FANK1: variants seen among roughly 807,000 people sequenced by gnomAD.
The protein encoded by FANK1 is fibronectin type III and ankyrin repeat domains 1.
Under a neutral mutation model 45.3 loss-of-function variants are expected in FANK1, and 44 were observed. That is an observed-to-expected ratio of 0.97 (90% CI 0.76 to 1.25). FANK1 has a LOEUF of 1.25. Among genes scored for constraint, FANK1 ranks in the 50% most tolerant of loss-of-function variants. The pLI is 0.00. For synonymous variants in FANK1, 149 were observed against 152.5 expected (o/e 0.98, Z 0.17); for missense variants, 391 against 424.4 (o/e 0.92, Z 0.69).
intron 7 of FANK1, 124 bp downstream of exon 7, chr10:126,005,173 A>T: frequency 8.7e-7 from 1 of 1,150,632 alleles, no homozygotes; most frequent in Non-Finnish European, 1.2e-6. Context: ...AAGTTTTCTG[A>T]CTTAGCAAGA....
At chr10:125,948,468 G>C (rs1948967642) in intron 1 of FANK1, among the ~76,000 whole-genome samples, 1 of 152,174 alleles carries the variant, frequency 6.6e-6, no homozygotes, top group South Asian at 2.1e-4. Context: ...ACTACCATCA[G>C]AGAATACTAC....
At chr10:125,950,728 C>T (rs1449739963) in intron 1 of FANK1, among the ~76,000 whole-genome samples, 2 of 151,632 alleles carry the variant, frequency 1.3e-5, no homozygotes, top group Non-Finnish European at 2.9e-5. Flanking sequence ...TTTGACCCAG[C>T]CATCCCATTA....
intron 2 of FANK1, among the ~76,000 whole-genome samples, chr10:125,987,570 G>A (rs866824515): frequency 5.9e-5 from 9 of 152,132 alleles, no homozygotes; most frequent in Middle Eastern, 6.8e-3. Flanking sequence ...CCAAGGCTTT[G>A]AGTAGAAGAA....
rs187922747 is a variant in FANK1, at chr10:125,938,137, T to C, written c.13+41482T>C. Among the ~76,000 whole-genome samples, 3 of 152,332 alleles carry C rather than the reference T, an allele frequency of 2.0e-5. No individual in the cohort carries two copies. In the East Asian group the frequency reaches 5.8e-4, roughly 29 times the overall value. On this transcript the variant is annotated intron_variant, in intron 1 of 10. Transcript: ENST00000368693. Reference sequence around the variant, plus strand: ...AGTCTCTTGGTAGTTTTGATACTATTTTGTATGTATTCTGGGATTGAACAA... The same window carrying C: ...AGTCTCTTGGTAGTTTTGATACTATCTTGTATGTATTCTGGGATTGAACAA...
At position 125,971,492 on chromosome 10, in the gene FANK1, C is replaced by G. The variant is rs78691183; in HGVS notation, c.14-8669C>G. On this transcript the variant is annotated intron_variant, in intron 1 of 10. Transcript: ENST00000368693. ...CAATTACCTGGTTTGCATTGTCTCACTTTTTCTGACCAAGTTTTCTTGATC... is the reference window on the plus strand; with the variant it reads ...CAATTACCTGGTTTGCATTGTCTCAGTTTTTCTGACCAAGTTTTCTTGATC... 5.5e-4 allele frequency among the ~76,000 whole-genome samples: 83 copies of G among 152,042 alleles called. 1 individual carries two copies. The East Asian group carries it at 0.013, about 24-fold the overall frequency.
At chr10:125,959,908 G>A (rs927975195) in intron 1 of FANK1, among the ~76,000 whole-genome samples, 14 of 152,126 alleles carry the variant, frequency 9.2e-5, no homozygotes, top group African/African-American at 1.4e-4. Flanking sequence ...ACATTTTGAC[G>A]TATCTGGTGG....
At chr10:125,931,181 G>A (rs1242658531) in intron 1 of FANK1, among the ~76,000 whole-genome samples, 1 of 152,212 alleles carries the variant, frequency 6.6e-6, no homozygotes, top group East Asian at 1.9e-4. Flanking sequence ...AAACATGCAT[G>A]TGCAAGTATC....
At chr10:125,919,442 G>A (rs1169069724) in intron 1 of FANK1, among the ~76,000 whole-genome samples, 13 of 152,190 alleles carry the variant, frequency 8.5e-5, no homozygotes, top group African/African-American at 2.6e-4. Flanking sequence ...TCGACCTCAG[G>A]TGATCCTCCC....
Position 126,009,400 on chromosome 10 carries a change from A to G in FANK1, c.1000A>G (p.Lys334Glu). ...TGTAGTCTCCTTATTAGAAGAAAGG[A>G]AAAAAAAGCAGAGGCCAAAGAAGTC... ...QSVVSLLEER[K>E]KKQRPKKSCV... is the part of the protein sequence containing the mutation. The change falls in exon 11 of 11, where the codon AAA becomes GAA. Residue 334 changes from lysine (K) to glutamate (E), a missense_variant. By Grantham distance (56) the Lys-to-Glu change is moderately conservative. Coordinates refer to ENST00000368693, the MANE Select transcript of FANK1 (RefSeq NM_145235.5). The G allele has an allele frequency of 6.2e-7, 1 of 1,613,520 alleles. No individual in the cohort carries two copies. Among genetic ancestry groups the G allele is most frequent in the African/African-American group, 1.3e-5 (1 of 74,940 alleles).
intron 1 of FANK1, chr10:125,973,365 G>T (rs1950640464): frequency 7.7e-6 from 7 of 905,074 alleles, no homozygotes; most frequent in East Asian, 1.2e-4. Context: ...CCTGGTGTTT[G>T]GTTTTAGTGG....
chr10:125,966,990 A>G (rs2134185768), intron 1 of FANK1, among the ~76,000 whole-genome samples: 1 of 152,296 alleles, frequency 6.6e-6, no homozygotes, highest in Admixed American at 6.5e-5. Context: ...TAATCATAGC[A>G]TCTTTGTAAG....
intron 4 of FANK1, 42 bp downstream of exon 4, chr10:125,995,540 T>C (rs1952263841): frequency 6.4e-7 from 1 of 1,565,896 alleles, no homozygotes; most frequent in Non-Finnish European, 8.8e-7. Flanking sequence ...CCCATGCCTA[T>C]AAAGTGCATA....
intron 1 of FANK1, among the ~76,000 whole-genome samples, chr10:125,950,371 A>C (rs2134165345): frequency 6.7e-6 from 1 of 148,386 alleles, no homozygotes; most frequent in East Asian, 2.0e-4. Flanking sequence ...TACTCATCTG[A>C]CAAAGGGCTA....
chr10:125,993,120 A>G (rs1188988240), intron 3 of FANK1, among the ~76,000 whole-genome samples: 2 of 152,158 alleles, frequency 1.3e-5, no homozygotes, highest in South Asian at 2.1e-4. Flanking sequence ...GCACTGGGTA[A>G]AAAGCCTACG....
chr10:125,998,385 T>C (rs765690392), intron 6 of FANK1, among the ~76,000 whole-genome samples: 7 of 152,204 alleles, frequency 4.6e-5, no homozygotes, highest in Non-Finnish European at 1.0e-4. Context: ...ATATCTTAAA[T>C]ATCACTTATA....
At chr10:125,997,576 C>A in intron 6 of FANK1, 91 bp downstream of exon 6, 1 of 1,223,490 alleles carries the variant, frequency 8.2e-7, no homozygotes, top group Non-Finnish European at 1.2e-6. Flanking sequence ...TTCACCAAAA[C>A]ATTGTCTTGA....
At chr10:125,951,042 A>G (rs1295628688) in intron 1 of FANK1, among the ~76,000 whole-genome samples, 1 of 137,102 alleles carries the variant, frequency 7.3e-6, no homozygotes, top group African/African-American at 2.7e-5. Flanking sequence ...GAATTGAACA[A>G]TGAGATCACA....
rs2134210386 is a variant in FANK1, at chr10:125,988,553, G to C, written c.194G>C (p.Gly65Ala). The change falls in exon 3 of 11, where the codon GGA (glycine) becomes GCA (alanine). Residue 65 changes from glycine (G) to alanine (A), a missense_variant and splice_region_variant. Transcript: ENST00000368693. ...KMHTYGIIYTGYATKHVVEGL... is the reference protein window; with the variant it reads ...KMHTYGIIYTAYATKHVVEGL... Reference sequence around the variant, plus strand: ...CATGTTTGTCTCCTCCTGTCTAGGGGATATGCAACGAAGCATGTTGTTGAA... The same window carrying C: ...CATGTTTGTCTCCTCCTGTCTAGGGCATATGCAACGAAGCATGTTGTTGAA... The C allele has an allele frequency of 2.5e-6, 4 of 1,614,098 alleles. No homozygotes were observed. Among genetic ancestry groups the C allele is most frequent in the Middle Eastern group, 1.6e-4 (1 of 6,062 alleles).
At chr10:125,990,942 G>A (rs1951885588) in intron 3 of FANK1, among the ~76,000 whole-genome samples, 1 of 152,166 alleles carries the variant, frequency 6.6e-6, no homozygotes, top group Admixed American at 6.5e-5. Context: ...CAGATCTTAT[G>A]AGACTTATTC....
Sources: gnomAD v4.1 joint callset for allele counts (sites outside exome capture counted in the v4.1 genomes callset) on GRCh38, gnomAD v4.1.1 for gene constraint, MANE v1.5 for transcripts, NCBI Gene and HGNC (gene_info 2026-07-23, HGNC 2026-07-21) for gene names.